POU2F1: variants seen among roughly 807,000 people sequenced by gnomAD.
POU2F1 encodes the protein POU domain, class 2, transcription factor 1.
A neutral mutation model predicts 84.9 loss-of-function variants in POU2F1; 16 were observed. The ratio of observed to expected loss-of-function variants is 0.19; its 90% CI spans 0.13 to 0.29. The LOEUF is 0.29. POU2F1 is among the 10% of genes least tolerant of loss of function. The pLI is 1.00. For missense variants in POU2F1, 738 were observed against 942.6 expected (o/e 0.78, Z 2.84); for synonymous variants, 368 against 368.3 (o/e 1.00, Z 0.01).
chr1:167,304,618 A>G (rs1003788213), intron 1 of POU2F1, among the ~76,000 whole-genome samples: 2 of 152,218 alleles, frequency 1.3e-5, no homozygotes, highest in Non-Finnish European at 2.9e-5. Flanking sequence ...GAGAAACCAT[A>G]TATTCCTCCG....
chr1:167,413,010 T>C lies in POU2F1; in HGVS notation c.1902-16T>C. 6.2e-7 allele frequency: 1 copy of C among 1,607,268 alleles called. No individual in the cohort carries two copies. The highest frequency in any genetic ancestry group is 8.5e-7 in the Non-Finnish European group (1 of 1,174,000). ...GTCTGCATGGTAATAAAGTGACTCC[T>C]CTTTTGGACTTGCAGAGGTGCCTTA... On this transcript the variant is annotated splice_polypyrimidine_tract_variant and intron_variant, in intron 14 of 15. Coordinates refer to ENST00000367866, the MANE Select transcript of POU2F1 (RefSeq NM_002697.4).
At chr1:167,319,717 CCAGA>C (rs1342295363) in intron 1 of POU2F1, among the ~76,000 whole-genome samples, 2 of 151,452 alleles carry the variant, frequency 1.3e-5, no homozygotes, top group African/African-American at 2.4e-5. Flanking sequence ...GGCATGTAGC[CCAGA>C]CAAAGTGAGA....
Position 167,391,494 on chromosome 1 carries a change from G to C in POU2F1, c.987+1733G>C, listed in dbSNP as rs928052808. On this transcript the variant is annotated intron_variant, in intron 9 of 15. Coordinates refer to ENST00000367866, the MANE Select transcript of POU2F1 (RefSeq NM_002697.4). ...CTGGCCTGGTAGGTCAAAATCCAAG[G>C]GTAGCATCCCCAAATGTACTATGGG... 7.3e-5 allele frequency among the ~76,000 whole-genome samples: 11 copies of C among 151,006 alleles called. No homozygotes were observed. In the South Asian group the frequency reaches 2.1e-3, roughly 29 times the overall value.
intron 1 of POU2F1, among the ~76,000 whole-genome samples, chr1:167,233,707 C>A (rs546307143): frequency 6.6e-6 from 1 of 152,298 alleles, no homozygotes; most frequent in Admixed American, 6.5e-5. Flanking sequence ...TTTCAAGGAA[C>A]AAAAGTTCAG....
Position 167,353,839 on chromosome 1 carries a change from A to G in POU2F1, c.128-11628A>G, listed in dbSNP as rs111880148. On this transcript the variant is annotated intron_variant, in intron 2 of 15. Coordinates refer to ENST00000367866, the MANE Select transcript of POU2F1 (RefSeq NM_002697.4). ...ATAAAGTAGAATGTTACCATTCCTCAGAAGGCTTCTGTAGGCCCACCCTGA... is the reference window on the plus strand; with the variant it reads ...ATAAAGTAGAATGTTACCATTCCTCGGAAGGCTTCTGTAGGCCCACCCTGA... 6.6e-5 allele frequency among the ~76,000 whole-genome samples: 10 copies of G among 152,356 alleles called. No homozygotes were observed. The South Asian group carries it at 1.0e-3, about 16-fold the overall frequency.
At chr1:167,343,574 A>G (rs189037437) in intron 2 of POU2F1, among the ~76,000 whole-genome samples, 31 of 150,232 alleles carry the variant, frequency 2.1e-4, no homozygotes, top group African/African-American at 6.1e-4. Flanking sequence ...TATTCTTTCA[A>G]TTAGATCCAT....
At chr1:167,225,855 T>A (rs542107036) in intron 1 of POU2F1, among the ~76,000 whole-genome samples, 9 of 152,334 alleles carry the variant, frequency 5.9e-5, no homozygotes, top group African/African-American at 2.2e-4. Flanking sequence ...TGAAACCCCA[T>A]AGTTGTAATC....
At chr1:167,223,251 T>C (rs1263348074) in intron 1 of POU2F1, among the ~76,000 whole-genome samples, 1 of 152,156 alleles carries the variant, frequency 6.6e-6, no homozygotes, top group Non-Finnish European at 1.5e-5. Context: ...TGGAACTTAT[T>C]CTCCTCCCAG....
chr1:167,282,797 C>A (rs1653249037), intron 1 of POU2F1, among the ~76,000 whole-genome samples: 1 of 152,200 alleles, frequency 6.6e-6, no homozygotes, highest in African/African-American at 2.4e-5. Context: ...GCCCCATTAG[C>A]TTCCTAGCAA....
chr1:167,358,243 C>G (rs1369898223), intron 2 of POU2F1, among the ~76,000 whole-genome samples: 1 of 151,042 alleles, frequency 6.6e-6, no homozygotes, highest in Non-Finnish European at 1.5e-5. Flanking sequence ...ATTCTCCTGC[C>G]TCAGACTCCC....
At chr1:167,365,014 A>C (rs1659594596) in intron 2 of POU2F1, among the ~76,000 whole-genome samples, 1 of 152,180 alleles carries the variant, frequency 6.6e-6, no homozygotes, top group Admixed American at 6.5e-5. Flanking sequence ...TTGCCATCAG[A>C]TTGCTATTCA....
intron 7 of POU2F1, among the ~76,000 whole-genome samples, chr1:167,382,480 C>T (rs905939922): frequency 1.3e-5 from 2 of 152,102 alleles, no homozygotes; most frequent in African/African-American, 4.8e-5. Context: ...AGTTGAGATA[C>T]GATAGCTAGA....
chr1:167,401,322 C>T lies in POU2F1; in HGVS notation c.1450-129C>T, dbSNP rs760604734. The T allele has an allele frequency of 8.8e-6, 5 of 570,644 alleles. No homozygotes were observed. The African/African-American group carries it at 9.5e-5, about 11-fold the overall frequency. The allele number at this position is 570,644 out of a possible 1,614,324, so 35.3% of individuals were successfully genotyped here. ...TGTGATATCAGTGAACAACCATCTT[C>T]GAATAGCAGCTTTCCAACATAGGAT... On this transcript the variant is annotated intron_variant, in intron 12 of 15. Coordinates refer to ENST00000367866, the MANE Select transcript of POU2F1 (RefSeq NM_002697.4).
At chr1:167,371,814 G>A (rs1027594152) in intron 4 of POU2F1, 103 bp from the exon 5 acceptor site, 10 of 1,501,560 alleles carry the variant, frequency 6.7e-6, no homozygotes, top group African/African-American at 1.4e-5. Context: ...ACTCATGACT[G>A]AATAAGCTCA....
intron 9 of POU2F1, among the ~76,000 whole-genome samples, chr1:167,392,673 GTTTTGTTTTGTGGTTTTATCCTA>G (rs1389541542): frequency 1.3e-5 from 2 of 152,164 alleles, no homozygotes; most frequent in Non-Finnish European, 2.9e-5. Context: ...ATGGTCTGGT[GTTTTGTTTTGTGGTTTTATCCTA>G]TTTTTTGGCA....
rs146232301 is a variant in POU2F1, at chr1:167,345,749, T to C, written c.127+13214T>C. The stretch of plus-strand genomic sequence containing the variant: ...AAGATTTTAGGATATTAAAATAAGG[T>C]CTGTCTTTCTGGTTTTCTTGGTCTT... On this transcript the variant is annotated intron_variant, in intron 2 of 15. Transcript: ENST00000367866. 4.9e-3 allele frequency among the ~76,000 whole-genome samples: 742 copies of C among 152,320 alleles called. 2 individuals carry two copies. The highest frequency in any genetic ancestry group is 0.015 in the South Asian group (71 of 4,828).
At chr1:167,314,789 G>A (rs1010153619) in intron 1 of POU2F1, among the ~76,000 whole-genome samples, 15 of 152,104 alleles carry the variant, frequency 9.9e-5, no homozygotes, top group Admixed American at 3.3e-4. Context: ...AAACAACAGC[G>A]AAATCCCTAA....
chr1:167,320,713 G>A (rs1338203738), intron 1 of POU2F1, among the ~76,000 whole-genome samples: 1 of 152,186 alleles, frequency 6.6e-6, no homozygotes, highest in Non-Finnish European at 1.5e-5. Flanking sequence ...AACACCAGTA[G>A]GTGAATGCTG....
Position 167,413,061 on chromosome 1 carries a change from G to C in POU2F1, c.1937G>C (p.Ser646Thr). Reference protein sequence around the residue: ...ALLSLNPGTLSGALSPALMSN... With the variant: ...ALLSLNPGTLTGALSPALMSN... ...CTCAGTCTGAATCCAGGGACCCTGA[G>C]CGGTGCTCTCAGCCCAGCTCTAATG... Residue 646 changes from serine to threonine, a missense_variant, in exon 15 of 16, where the codon AGC becomes ACC. Ser to Thr is a moderately conservative substitution (Grantham distance 58). Around this residue, in one of 4 missense-constraint regions of POU2F1, gnomAD observed 319 missense variants for 386.0 expected, o/e 0.83. Transcript: ENST00000367866. 6.2e-7 allele frequency: 1 copy of C among 1,614,180 alleles called. No individual in the cohort carries two copies. The highest frequency in any genetic ancestry group is 1.7e-4 in the Middle Eastern group (1 of 6,060).
Sources: allele counts gnomAD v4.1 joint callset (sites outside exome capture counted in the v4.1 genomes callset), GRCh38; gene constraint gnomAD v4.1.1; regional missense constraint gnomAD v4.1.1; transcripts MANE v1.5; gene names NCBI Gene and HGNC (gene_info 2026-07-23, HGNC 2026-07-21).